CNOT2: variants seen among roughly 807,000 people sequenced by gnomAD.
CNOT2 encodes CC chemokine receptor 4-negative regulator of transcription 2.
In CNOT2, 7 loss-of-function variants were observed where a neutral mutation model predicts 72.1. The observed-to-expected ratio is 0.10, with a 90% CI of 0.06 to 0.18. CNOT2 has a LOEUF of 0.18. CNOT2 is among the 10% of genes least tolerant of loss of function. The pLI, the probability that CNOT2 is intolerant of heterozygous loss-of-function variation, is 1.00. For missense variants in CNOT2, 345 were observed against 660.3 expected, an observed-to-expected ratio of 0.52 and a Z score of 5.23; for synonymous variants, 196 against 225.6, an observed-to-expected ratio of 0.87 and a Z score of 1.17.
intron 1 of CNOT2, among the ~76,000 whole-genome samples, chr12:70,262,409 G>A (rs1476747005): frequency 6.6e-6 from 1 of 151,776 alleles, no homozygotes; most frequent in African/African-American, 2.4e-5. Flanking sequence ...AAGTAGCTGG[G>A]ACTACAGGCG....
chr12:70,295,466 C>A (rs1413471969), intron 2 of CNOT2, among the ~76,000 whole-genome samples: 1 of 152,078 alleles, frequency 6.6e-6, no homozygotes, highest in Non-Finnish European at 1.5e-5. Context: ...CTTCCTTCCT[C>A]CCTCTTTATC....
At chr12:70,243,737 G>C (rs1013908523) in intron 1 of CNOT2, 5 of 151,950 alleles carry the variant, frequency 3.3e-5, no homozygotes, top group African/African-American at 1.2e-4. Flanking sequence ...GTGGTGGACC[G>C]GACGTAAAGC....
intron 2 of CNOT2, among the ~76,000 whole-genome samples, chr12:70,292,307 G>A (rs1337444714): frequency 1.3e-5 from 2 of 152,130 alleles, no homozygotes; most frequent in East Asian, 3.9e-4. Flanking sequence ...TCTGCAGTGT[G>A]TATGATATAA....
At chr12:70,273,849 C>T (rs541996505) in intron 1 of CNOT2, among the ~76,000 whole-genome samples, 13 of 152,126 alleles carry the variant, frequency 8.5e-5, no homozygotes, top group African/African-American at 2.9e-4. Context: ...GGATGTGAGA[C>T]AACTGTACAG....
At chr12:70,308,440 G>A (rs986242097) in intron 2 of CNOT2, among the ~76,000 whole-genome samples, 14 of 151,600 alleles carry the variant, frequency 9.2e-5, no homozygotes, top group South Asian at 2.1e-4. Context: ...TCTCACTCTC[G>A]TTTTGTTTTT....
chr12:70,353,429 A>T (rs1457749448), intron 15 of CNOT2, among the ~76,000 whole-genome samples: 2 of 152,102 alleles, frequency 1.3e-5, no homozygotes, highest in Non-Finnish European at 2.9e-5. Context: ...TTATTTCTAA[A>T]CTTTTTTCAT....
At chr12:70,346,988 T>C (rs917099955) in intron 15 of CNOT2, among the ~76,000 whole-genome samples, 2 of 152,084 alleles carry the variant, frequency 1.3e-5, no homozygotes, top group African/African-American at 4.8e-5. Flanking sequence ...GTAGAGAATA[T>C]ATTATTCTCT....
intron 2 of CNOT2, among the ~76,000 whole-genome samples, chr12:70,304,432 CA>C (rs1874808077): frequency 6.6e-6 from 1 of 152,222 alleles, no homozygotes; most frequent in African/African-American, 2.4e-5. Flanking sequence ...CCAGGACCCT[CA>C]GCTGCAGGTC....
At chr12:70,314,835 T>C (rs1362490744) in intron 3 of CNOT2, among the ~76,000 whole-genome samples, 1 of 145,016 alleles carries the variant, frequency 6.9e-6, no homozygotes, top group Non-Finnish European at 1.5e-5. Flanking sequence ...TTCTCTTTTG[T>C]TCTTGTTTGT....
intron 2 of CNOT2, among the ~76,000 whole-genome samples, chr12:70,293,914 CTTTTTTTTTTTT>C (rs34038348): frequency 5.6e-5 from 4 of 71,314 alleles, no homozygotes; most frequent in African/African-American, 2.2e-4. Context: ...GTGAGCACTG[CTTTTTTTTTTTT>C]TTTTTTTTTT....
intron 15 of CNOT2, among the ~76,000 whole-genome samples, chr12:70,347,229 A>C (rs545333318): frequency 1.3e-5 from 2 of 152,230 alleles, no homozygotes; most frequent in African/African-American, 4.8e-5. Context: ...TGTAGTTTTG[A>C]ATCTGCTTTA....
At chr12:70,281,137 G>T (rs139687056) in intron 2 of CNOT2, among the ~76,000 whole-genome samples, 3,348 of 149,438 alleles carry the variant, frequency 0.022, 81 homozygotes, top group Admixed American at 0.047. Context: ...TGTCACCCAG[G>T]CTGGAGTGCA....
intron 1 of CNOT2, among the ~76,000 whole-genome samples, chr12:70,277,813 T>C (rs772788156): frequency 2.0e-5 from 3 of 152,260 alleles, no homozygotes; most frequent in East Asian, 1.9e-4. Flanking sequence ...GAAAAAAATA[T>C]GTCAGTTGTG....
At chr12:70,274,777 C>T (rs7974636) in intron 1 of CNOT2, among the ~76,000 whole-genome samples, 51,002 of 151,818 alleles carry the variant, frequency 0.34, 9,080 homozygotes, top group Middle Eastern at 0.5. Flanking sequence ...AATTGTTCAA[C>T]GTGTGGCCTT....
At chr12:70,321,803 G>A (rs1366298732) in intron 4 of CNOT2, 1 of 151,676 alleles carries the variant, frequency 6.6e-6, no homozygotes, top group Admixed American at 6.6e-5. Flanking sequence ...AAGAAAGGGA[G>A]TTTGTCTTGG....
At chr12:70,279,989 G>A (rs768902505) in intron 2 of CNOT2, among the ~76,000 whole-genome samples, 1 of 151,812 alleles carries the variant, frequency 6.6e-6, no homozygotes, top group South Asian at 2.1e-4. Flanking sequence ...TTCTCTCTTC[G>A]TTTATTGATA....
chr12:70,269,414 G>A (rs1299363194), intron 1 of CNOT2, among the ~76,000 whole-genome samples: 1 of 151,590 alleles, frequency 6.6e-6, no homozygotes, highest in South Asian at 2.1e-4. Flanking sequence ...TTGGCTCTCT[G>A]GTGAAGAATG....
At chr12:70,294,100 C>A in intron 2 of CNOT2, 1 of 1,284,714 alleles carries the variant, frequency 7.8e-7, no homozygotes, top group Non-Finnish European at 1.0e-6. Context: ...TTATCATGTT[C>A]TGGTTGGACT....
At chr12:70,337,313 G>C in intron 8 of CNOT2, 76 bp from the exon 9 acceptor site, 1 of 1,284,356 alleles carries the variant, frequency 7.8e-7, no homozygotes, top group Non-Finnish European at 1.1e-6. Context: ...TTATCATGAG[G>C]AAAGTTAACT....
Sources: gnomAD v4.1 joint callset for allele counts (sites outside exome capture counted in the v4.1 genomes callset) on GRCh38, gnomAD v4.1.1 for gene constraint, MANE v1.5 for transcripts, NCBI Gene and HGNC (gene_info 2026-07-23, HGNC 2026-07-21) for gene names.